CFAP74: variants seen among roughly 807,000 people sequenced by gnomAD.
CFAP74 encodes the protein cilia- and flagella-associated protein 74.
In CFAP74, 124 loss-of-function variants were observed where a neutral mutation model predicts 188.9. That is an observed-to-expected ratio of 0.66 (90% CI 0.57 to 0.76). The LOEUF (loss-of-function observed/expected upper bound fraction) is 0.76. Among genes scored for constraint, CFAP74 ranks in the 30% least tolerant of loss-of-function variants. The pLI is 0.00. For missense variants in CFAP74, 2,198 were observed against 2,165.2 expected (o/e 1.02, Z -0.30); for synonymous variants, 956 against 916.7 (o/e 1.04, Z -0.77).
At position 1,942,207 on chromosome 1, in the gene CFAP74, T is replaced by G. The variant is rs1653429648; in HGVS notation, c.2487-51A>C. On this transcript the variant is annotated intron_variant, in intron 21 of 38. Coordinates refer to ENST00000682832, the MANE Select transcript of CFAP74 (RefSeq NM_001304360.2). This position sits in a 1 kb window ranked among gnomAD's most constrained non-coding sequence, Gnocchi z 4.3. The stretch of plus-strand genomic sequence containing the variant: ...GTCAGGTGCCACAGTCGTGATTCTG[T>G]GTGCGCTCAATGCCTGGAGTTATTA... 4 of 1,422,132 alleles carry G rather than the reference T, an allele frequency of 2.8e-6. No individual in the cohort carries two copies. Among genetic ancestry groups the G allele is most frequent in the African/African-American group, 1.4e-5 (1 of 69,578 alleles). 88.1% of individuals were successfully genotyped at this position (1,422,132 alleles called of 1,614,324 possible). A position where few individuals can be genotyped will look rare whatever the true frequency, so the allele number is the denominator to read the frequency against.
rs1651841254 is a variant in CFAP74 at position 1,925,811 on chromosome 1, G to A, written c.4076C>T (p.Ala1359Val). 2 of 1,612,546 alleles carry A rather than the reference G, an allele frequency of 1.2e-6. No individual in the cohort carries two copies. Among genetic ancestry groups the A allele is most frequent in the African/African-American group, 2.7e-5 (2 of 75,036 alleles). The part of the protein sequence containing the change: ...GSVLNMGYVI[A>V]GESVSSGFKL... Reference sequence around the variant, plus strand: ...GAAGCCTGAGGACACAGACTCTCCGGCAATCACATAGCCCATGTTGAGGAC... The same window carrying A: ...GAAGCCTGAGGACACAGACTCTCCGACAATCACATAGCCCATGTTGAGGAC... The change falls in exon 33 of 39, where the codon GCC becomes GTC. Residue 1359 changes from alanine to valine, a missense_variant. Ala to Val is a moderately conservative substitution (Grantham distance 64). Coordinates refer to ENST00000682832, the MANE Select transcript of CFAP74 (RefSeq NM_001304360.2).
In CFAP74 at chr1:1,965,128, C is replaced by T. The variant is rs577262712; in HGVS notation, c.1402-67G>A. The T allele has an allele frequency of 2.8e-5, 42 of 1,495,658 alleles. No individual in the cohort carries two copies. In the South Asian group the frequency reaches 2.9e-4, roughly 10 times the overall value. 92.6% of individuals were successfully genotyped at this position (1,495,658 alleles called of 1,614,324 possible). On this transcript the variant is annotated intron_variant, in intron 12 of 38. Transcript: ENST00000682832. ...CACCTGGGCGGCGCCGGTGGCAGCT[C>T]GGAGGCGAGGGTAGCGGTTAGCAGA... is the stretch of plus-strand genomic sequence containing the variant.
chr1:1,978,002 C>T (rs548099488), intron 6 of CFAP74, among the ~76,000 whole-genome samples: 1 of 152,200 alleles, frequency 6.6e-6, no homozygotes, highest in Non-Finnish European at 1.5e-5. Flanking sequence ...GTGCACGCCA[C>T]CACACCCAGC....
intron 1 of CFAP74, among the ~76,000 whole-genome samples, chr1:1,992,207 C>T (rs1406320591): frequency 6.6e-6 from 1 of 152,140 alleles, no homozygotes; most frequent in African/African-American, 2.4e-5. Flanking sequence ...CTCTGTTGCC[C>T]AGGCTGGAGT....
chr1:1,928,368 G>A (rs895978974), intron 27 of CFAP74, among the ~76,000 whole-genome samples: 1 of 152,252 alleles, frequency 6.6e-6, no homozygotes, highest in Non-Finnish European at 1.5e-5. Context: ...AAGCCAGGCT[G>A]GGAAGGGTGC....
At chr1:1,984,682 G>C (rs1657123098) in intron 6 of CFAP74, 1 of 152,766 alleles carries the variant, frequency 6.5e-6, no homozygotes. Flanking sequence ...AGTGAGTGCA[G>C]GTCAGAGACT....
intron 14 of CFAP74, 101 bp from the exon 15 acceptor site, chr1:1,960,131 C>T: frequency 9.9e-7 from 1 of 1,012,816 alleles, no homozygotes; most frequent in Non-Finnish European, 1.5e-6. Context: ...CTGGCCTCCT[C>T]CCCATCCCGG....
In CFAP74 at chr1:1,930,153, G is replaced by C. The variant is rs774715908; in HGVS notation, c.3195C>G (p.Ala1065=). 3 of 1,535,662 alleles carry C rather than the reference G, an allele frequency of 2.0e-6. No homozygotes were observed. Among genetic ancestry groups the C allele is most frequent in the Non-Finnish European group, 2.6e-6 (3 of 1,146,724 alleles). Residue 1065 remains alanine (A), a synonymous_variant, in exon 26 of 39, where the codon GCC becomes GCG. Transcript: ENST00000682832. ...CGAAAGACGTGGGCCCCATGGGAGA[G>C]GCGTCCTCTGAGCCAATGCGGGGCT... ...HSKPRIGSED[A]SPMGPTSFEF... is the part of the protein sequence containing the mutation.
chr1:1,922,650 G>A lies in CFAP74; in HGVS notation c.4757C>T (p.Ser1586Phe). 6.2e-7 allele frequency: 1 copy of A among 1,603,362 alleles called. No homozygotes were observed. Among genetic ancestry groups the A allele is most frequent in the Non-Finnish European group, 8.5e-7 (1 of 1,174,256 alleles). The change falls in exon 38 of 39, where the codon TCC becomes TTC. Residue 1586 changes from serine to phenylalanine, a missense_variant. By Grantham distance (155) the Ser-to-Phe change is radical (BLOSUM62 -2). Coordinates refer to ENST00000682832, the MANE Select transcript of CFAP74 (RefSeq NM_001304360.2). ...GGTCTTCGTCTGGCCGCGCTCCACG[G>A]AGCCCCTGGAGGGCTCAATAGAGAA... The part of the protein sequence containing the change: ...KGFSIEPSRG[S>F]VERGQTKTIS...
At chr1:1,967,128 G>A (rs71630951) in intron 11 of CFAP74, among the ~76,000 whole-genome samples, 10 of 152,188 alleles carry the variant, frequency 6.6e-5, no homozygotes, top group Non-Finnish European at 1.5e-4. Flanking sequence ...GAGCCACCGC[G>A]CCTGGCGCAG....
chr1:1,976,003 A>G (rs958615175), intron 6 of CFAP74, among the ~76,000 whole-genome samples: 1 of 152,216 alleles, frequency 6.6e-6, no homozygotes, highest in African/African-American at 2.4e-5. Flanking sequence ...CGGGAAGTCC[A>G]AGGTCAAGGT....
intron 23 of CFAP74, 21 bp from the exon 24 acceptor site, chr1:1,939,788 G>A: frequency 6.5e-7 from 1 of 1,527,474 alleles, no homozygotes; most frequent in African/African-American, 1.4e-5. Flanking sequence ...AAGGGCACAG[G>A]CGCCCTCGCA....
Position 1,975,544 on chromosome 1 carries a change from C to T in CFAP74, c.501-1346G>A, listed in dbSNP as rs1656383873. 6.6e-6 allele frequency among the ~76,000 whole-genome samples: 1 copy of T among 152,128 alleles called. No individual in the cohort carries two copies. On this transcript the variant is annotated intron_variant, in intron 6 of 38. Coordinates refer to ENST00000682832, the MANE Select transcript of CFAP74 (RefSeq NM_001304360.2). This position sits in a 1 kb window ranked among gnomAD's most constrained non-coding sequence, Gnocchi z 4.5. ...TTTTGGCATCGAGGTTGTGTCACTG[C>T]ATTTTAGAAACTGGGCATACCATGT... is the stretch of plus-strand genomic sequence containing the variant.
intron 14 of CFAP74, among the ~76,000 whole-genome samples, chr1:1,962,643 G>C (rs1228310789): frequency 6.6e-6 from 1 of 152,030 alleles, no homozygotes; most frequent in African/African-American, 2.4e-5. Context: ...CCAGCACTTG[G>C]GGAGGCTGAG....
intron 26 of CFAP74, among the ~76,000 whole-genome samples, chr1:1,929,487 A>G (rs1200472200): frequency 7.7e-6 from 1 of 129,294 alleles, no homozygotes; most frequent in Non-Finnish European, 1.7e-5. Flanking sequence ...GGGGGTGAGA[A>G]CCATCACCGA....
chr1:1,937,263 G>A (rs2102042232), intron 25 of CFAP74, among the ~76,000 whole-genome samples: 1 of 152,360 alleles, frequency 6.6e-6, no homozygotes. Flanking sequence ...CTTTTGAAGT[G>A]GTCTGGCTGT....
chr1:1,986,352 C>G (rs967077506), intron 5 of CFAP74, among the ~76,000 whole-genome samples: 1 of 152,226 alleles, frequency 6.6e-6, no homozygotes, highest in Non-Finnish European at 1.5e-5. Flanking sequence ...CCTCACCCCC[C>G]AGGGCCGGGA....
rs781781521 is a variant in CFAP74 at position 1,926,308 on chromosome 1, G to A, written c.3868C>T (p.Leu1290=). The A allele has an allele frequency of 2.9e-5, 45 of 1,547,460 alleles. No homozygotes were observed. Among genetic ancestry groups the A allele is most frequent in the Non-Finnish European group, 3.8e-5 (44 of 1,145,326 alleles). Residue 1290 remains leucine (L), a synonymous_variant, in exon 32 of 39, where the codon CTG becomes TTG. Coordinates refer to ENST00000682832, the MANE Select transcript of CFAP74 (RefSeq NM_001304360.2). ...SLLNPNGPFV[L]LNHSSLLRAG... ...CGCAGCAGGCTGGAGTGGTTCAGCA[G>A]GACAAAGGGGCCGTTGGGGTTCAGC...
chr1:1,995,337 C>A (rs1401344210), intron 1 of CFAP74, among the ~76,000 whole-genome samples: 1 of 151,824 alleles, frequency 6.6e-6, no homozygotes, highest in African/African-American at 2.4e-5. Flanking sequence ...ACTAAAAATA[C>A]AAAAATTAGC....
Sources: allele counts gnomAD v4.1 joint callset (sites outside exome capture counted in the v4.1 genomes callset), GRCh38; gene constraint gnomAD v4.1.1; non-coding constraint Gnocchi (gnomAD v3.1); transcripts MANE v1.5; gene names NCBI Gene and HGNC (gene_info 2026-07-23, HGNC 2026-07-21).